The following SOX6 variants were observed in gnomAD, a reference collection of about 807,000 sequenced individuals.
SOX6 encodes the protein SRY-box transcription factor 6.
In SOX6, 11 loss-of-function variants were observed where a neutral mutation model predicts 97.8. The ratio of observed to expected loss-of-function variants is 0.11; its 90% CI spans 0.07 to 0.19. SOX6 has a LOEUF of 0.19. Among genes scored for constraint, SOX6 ranks in the 10% least tolerant of loss-of-function variants. The probability of loss-of-function intolerance (pLI) is 1.00; values close to 1 mark genes in which losing one functional copy is unlikely to be tolerated. For missense variants in SOX6, 810 were observed against 1,039.5 expected (o/e 0.78, Z 3.04); for synonymous variants, 360 against 371.4 (o/e 0.97, Z 0.35).
chr11:16,164,079 C>T (rs1190712781), intron 6 of SOX6, among the ~76,000 whole-genome samples: 2 of 152,100 alleles, frequency 1.3e-5, no homozygotes, highest in African/African-American at 4.8e-5. Context: ...TTCAAACTCC[C>T]AGGCTCAAGT....
chr11:16,367,413 A>G (rs1341624166), intron 1 of SOX6, among the ~76,000 whole-genome samples: 1 of 152,166 alleles, frequency 6.6e-6, no homozygotes. Context: ...ATACATACTG[A>G]GATCTTTAAT....
intron 3 of SOX6, among the ~76,000 whole-genome samples, chr11:16,633,975 C>A (rs976429966): frequency 2.0e-5 from 3 of 152,194 alleles, no homozygotes; most frequent in Non-Finnish European, 4.4e-5. Flanking sequence ...ATTCAATCTA[C>A]AATTTCTTGA....
chr11:16,392,923 C>G (rs1187161979), intron 1 of SOX6, among the ~76,000 whole-genome samples: 1 of 152,112 alleles, frequency 6.6e-6, no homozygotes, highest in Non-Finnish European at 1.5e-5. Context: ...GACATCTTCT[C>G]ATAAACTTTA....
intron 2 of SOX6, among the ~76,000 whole-genome samples, chr11:16,716,894 A>AG: frequency 6.6e-6 from 1 of 152,234 alleles, no homozygotes; most frequent in South Asian, 2.1e-4. Flanking sequence ...GTTACCTTTG[A>AG]GGGGGTCATA....
intron 2 of SOX6, among the ~76,000 whole-genome samples, chr11:16,717,257 GT>G (rs1187085362): frequency 2.2e-4 from 33 of 152,196 alleles, no homozygotes; most frequent in Admixed American, 1.0e-3. Context: ...GAATAAACTA[GT>G]TTGGCTCTGT....
intron 3 of SOX6, chr11:16,612,263 G>GA (rs11417208): frequency 0.94 from 138,070 of 146,562 alleles, 65,102 homozygotes; most frequent in East Asian, 0.99. Context: ...CTTTGTTCCT[G>GA]AAAAAAAAAA....
At chr11:16,398,514 G>T (rs1858431880) in intron 1 of SOX6, among the ~76,000 whole-genome samples, 1 of 151,340 alleles carries the variant, frequency 6.6e-6, no homozygotes, top group South Asian at 2.1e-4. Context: ...CAGACACAAT[G>T]TATTAGCTAA....
chr11:16,112,164 TA>T (rs1206676575), intron 6 of SOX6, among the ~76,000 whole-genome samples: 3 of 152,176 alleles, frequency 2.0e-5, no homozygotes, highest in Non-Finnish European at 4.4e-5. Flanking sequence ...CACCGAACTG[TA>T]GTTAATGGTT....
At chr11:16,349,994 A>T (rs1163428376) in intron 1 of SOX6, among the ~76,000 whole-genome samples, 2 of 152,152 alleles carry the variant, frequency 1.3e-5, no homozygotes, top group East Asian at 3.9e-4. Context: ...TCTAAATAAC[A>T]TCATTTATGA....
At chr11:16,696,276 C>T (rs769878872) in intron 3 of SOX6, among the ~76,000 whole-genome samples, 12 of 152,276 alleles carry the variant, frequency 7.9e-5, no homozygotes, top group South Asian at 4.1e-4. Flanking sequence ...TCAGTTCTTC[C>T]GCTAATTAAG....
At chr11:16,457,159 G>A (rs1002713722) in intron 1 of SOX6, among the ~76,000 whole-genome samples, 4 of 152,030 alleles carry the variant, frequency 2.6e-5, no homozygotes, top group African/African-American at 4.8e-5. Flanking sequence ...ATATTGAATT[G>A]TGGTAGTAAA....
At chr11:16,515,331 T>A (rs1310296489) in intron 4 of SOX6, among the ~76,000 whole-genome samples, 1 of 150,814 alleles carries the variant, frequency 6.6e-6, no homozygotes, top group Non-Finnish European at 1.5e-5. Flanking sequence ...GTTTTTTGGC[T>A]GCATAAATGT....
intron 2 of SOX6, among the ~76,000 whole-genome samples, chr11:16,330,675 C>T (rs1590131120): frequency 6.6e-6 from 1 of 152,296 alleles, no homozygotes; most frequent in East Asian, 1.9e-4. Flanking sequence ...ATACATGATA[C>T]TCAATCTAAA....
intron 3 of SOX6, among the ~76,000 whole-genome samples, chr11:16,642,389 T>C (rs945788788): frequency 2.0e-5 from 3 of 152,152 alleles, no homozygotes; most frequent in Admixed American, 1.3e-4. Context: ...CTGACAATTA[T>C]GTGTCTTGGA....
chr11:16,307,758 T>C (rs1229929523), intron 3 of SOX6, among the ~76,000 whole-genome samples: 3 of 152,212 alleles, frequency 2.0e-5, no homozygotes, highest in Non-Finnish European at 4.4e-5. Flanking sequence ...GCTGTAATGG[T>C]GCTGTTGCAA....
chr11:16,601,383 CT>C (rs1455007294), intron 4 of SOX6, among the ~76,000 whole-genome samples: 6 of 152,238 alleles, frequency 3.9e-5, no homozygotes, highest in Admixed American at 2.0e-4. Flanking sequence ...GAATGTTTCA[CT>C]TGACTTGAAA....
chr11:16,595,263 C>G (rs1013439937), intron 4 of SOX6, among the ~76,000 whole-genome samples: 3 of 151,918 alleles, frequency 2.0e-5, no homozygotes, highest in African/African-American at 7.3e-5. Flanking sequence ...TAGGTTAAAG[C>G]CATTGTAGAC....
At chr11:16,122,796 T>A (rs1426190896) in intron 6 of SOX6, among the ~76,000 whole-genome samples, 3 of 152,072 alleles carry the variant, frequency 2.0e-5, no homozygotes, top group Admixed American at 6.6e-5. Flanking sequence ...GCTATATAAA[T>A]GAATTCAAGA....
chr11:16,027,182 A>G (rs1855237478), intron 12 of SOX6, among the ~76,000 whole-genome samples: 1 of 152,220 alleles, frequency 6.6e-6, no homozygotes, highest in Non-Finnish European at 1.5e-5. Flanking sequence ...CAATAAAAAT[A>G]AAACAACTTT....
Sources: allele counts gnomAD v4.1 joint callset (sites outside exome capture counted in the v4.1 genomes callset), GRCh38; gene constraint gnomAD v4.1.1; transcripts MANE v1.5; gene names NCBI Gene and HGNC (gene_info 2026-07-23, HGNC 2026-07-21).